DNM3: variants seen among roughly 807,000 people sequenced by gnomAD.
The protein encoded by DNM3 is dynamin 3, also known as dynamin-3.
Under a neutral mutation model 101.6 loss-of-function variants are expected in DNM3, and 47 were observed. The observed-to-expected ratio is 0.46, with a 90% CI of 0.37 to 0.59. The LOEUF (loss-of-function observed/expected upper bound fraction) is 0.59, where lower values mean the gene tolerates loss of function less well. Among genes scored for constraint, DNM3 ranks in the 20% least tolerant of loss-of-function variants. The pLI is 0.00. For missense variants in DNM3, 849 were observed against 1,085.7 expected, an observed-to-expected ratio of 0.78 and a Z score of 3.06; for synonymous variants, 385 against 387.9, an observed-to-expected ratio of 0.99 and a Z score of 0.09.
At chr1:172,232,818 T>A (rs2061389320) in intron 14 of DNM3, among the ~76,000 whole-genome samples, 1 of 152,176 alleles carries the variant, frequency 6.6e-6, no homozygotes, top group African/African-American at 2.4e-5. Context: ...AAGGCAGAAG[T>A]AAAGATGTTC....
intron 2 of DNM3, among the ~76,000 whole-genome samples, chr1:171,975,682 T>C (rs1294089212): frequency 6.6e-6 from 1 of 152,196 alleles, no homozygotes; most frequent in African/African-American, 2.4e-5. Flanking sequence ...ATGTTGCAGA[T>C]AAAGATTCAA....
chr1:172,303,766 A>G (rs892259994), intron 15 of DNM3, among the ~76,000 whole-genome samples: 1 of 152,188 alleles, frequency 6.6e-6, no homozygotes, highest in Non-Finnish European at 1.5e-5. Context: ...AGAATTTCAT[A>G]TCCAGCCAAA....
At chr1:172,013,532 C>T (rs775234960) in intron 4 of DNM3, among the ~76,000 whole-genome samples, 2 of 151,892 alleles carry the variant, frequency 1.3e-5, no homozygotes, top group African/African-American at 2.4e-5. Flanking sequence ...TAGGGAAAAT[C>T]GAAATATAAG....
intron 6 of DNM3, among the ~76,000 whole-genome samples, chr1:172,037,666 T>G (rs1456188893): frequency 1.3e-5 from 2 of 152,180 alleles, no homozygotes; most frequent in Non-Finnish European, 2.9e-5. Flanking sequence ...TTCATTGTAC[T>G]GAGCTTGAGG....
At chr1:171,984,044 CTT>C (rs1469998802) in intron 2 of DNM3, among the ~76,000 whole-genome samples, 1 of 152,156 alleles carries the variant, frequency 6.6e-6, no homozygotes, top group Non-Finnish European at 1.5e-5. Flanking sequence ...TGATGCTTCT[CTT>C]TCTCTCATAT....
chr1:172,412,584 A>C lies in DNM3; in HGVS notation c.*4743A>C. 1.0e-6 allele frequency: 1 copy of C among 985,810 alleles called. No homozygotes were observed. The highest frequency in any genetic ancestry group is 1.2e-6 in the Non-Finnish European group (1 of 829,926). The allele number at this position is 985,810 out of a possible 1,614,324, so 61.1% of individuals were successfully genotyped here. A position where few individuals can be genotyped will look rare whatever the true frequency, so the allele number is the denominator to read the frequency against. On this transcript the variant is annotated 3_prime_UTR_variant, in exon 21 of 21. Transcript: ENST00000627582. ...GCACTTTCAGGATTTCTTAATGCTG[A>C]TATATGGACTCTTAGAATGGAATTT...
intron 2 of DNM3, among the ~76,000 whole-genome samples, chr1:171,984,504 A>G (rs1571953375): frequency 3.3e-5 from 5 of 152,248 alleles, no homozygotes; most frequent in Admixed American, 3.3e-4. Flanking sequence ...TCCATACAGC[A>G]TGGCCTGCTG....
intron 2 of DNM3, among the ~76,000 whole-genome samples, chr1:171,961,810 A>G (rs2043228675): frequency 1.3e-5 from 2 of 152,208 alleles, no homozygotes; most frequent in Admixed American, 1.3e-4. Flanking sequence ...AACAGGATGA[A>G]CTTGAAAACA....
At chr1:172,133,238 A>G in intron 14 of DNM3, 2 of 1,105,802 alleles carry the variant, frequency 1.8e-6, no homozygotes, top group Non-Finnish European at 1.1e-6. Context: ...TAGGGAAGGA[A>G]GAAGCTTTGA....
At chr1:172,315,176 G>A (rs1022810119) in intron 16 of DNM3, among the ~76,000 whole-genome samples, 2 of 152,162 alleles carry the variant, frequency 1.3e-5, no homozygotes, top group Non-Finnish European at 2.9e-5. Flanking sequence ...CTGCAGCTGA[G>A]GGTCCTGTCT....
intron 1 of DNM3, among the ~76,000 whole-genome samples, chr1:171,893,621 T>C (rs2037495739): frequency 6.6e-6 from 1 of 152,018 alleles, no homozygotes; most frequent in Non-Finnish European, 1.5e-5. Context: ...ACCGAACTAA[T>C]TAAACAATTT....
intron 15 of DNM3, among the ~76,000 whole-genome samples, chr1:172,270,683 T>C (rs1266397930): frequency 1.3e-5 from 2 of 152,194 alleles, no homozygotes; most frequent in Non-Finnish European, 2.9e-5. Flanking sequence ...AAAATGTTAG[T>C]CACACTCTGC....
In DNM3 at chr1:171,963,836, GTAAACCAAAAA is replaced by G. The variant is rs572146552; in HGVS notation, c.236-23815_236-23805del. ...GATTGTTTTCAAAGCTGTTTACCAT[GTAAACCAAAAA>G]TAAAATTCCAAGCCCCCCATCCACC... On this transcript the variant is annotated intron_variant, in intron 2 of 20. Transcript: ENST00000627582. Among the ~76,000 whole-genome samples the G allele has an allele frequency of 3.1e-3, 476 of 151,520 alleles. 3 individuals carry two copies. The highest frequency in any genetic ancestry group is 0.011 in the African/African-American group (452 of 41,364).
intron 5 of DNM3, 106 bp from the exon 6 acceptor site, chr1:172,032,999 A>C: frequency 2.2e-6 from 3 of 1,363,150 alleles, no homozygotes; most frequent in Non-Finnish European, 3.0e-6. Context: ...TTCAGGCCTA[A>C]AACTAGTTTT....
chr1:172,167,933 A>T (rs1337630410), intron 14 of DNM3, among the ~76,000 whole-genome samples: 1 of 151,978 alleles, frequency 6.6e-6, no homozygotes, highest in Non-Finnish European at 1.5e-5. Context: ...ATTTTTTTTA[A>T]GTGCAATTTC....
At chr1:171,971,712 A>C (rs1028484831) in intron 2 of DNM3, among the ~76,000 whole-genome samples, 1 of 152,218 alleles carries the variant, frequency 6.6e-6, no homozygotes, top group African/African-American at 2.4e-5. Context: ...TGCTAAAAAA[A>C]CAAAAACAAA....
chr1:172,061,729 G>A (rs372568325), intron 10 of DNM3, among the ~76,000 whole-genome samples: 1 of 150,096 alleles, frequency 6.7e-6, no homozygotes, highest in African/African-American at 2.5e-5. Flanking sequence ...GGATAGCATT[G>A]GGAGATATAC....
At chr1:172,403,858 T>A (rs1466072772) in intron 20 of DNM3, among the ~76,000 whole-genome samples, 2 of 152,150 alleles carry the variant, frequency 1.3e-5, no homozygotes, top group Admixed American at 6.5e-5. Context: ...ACAATAACTT[T>A]GCTTTCCCCA....
Position 172,048,607 on chromosome 1 carries a change from T to C in DNM3, c.1197-5T>C, listed in dbSNP as rs1343972206. The stretch of plus-strand genomic sequence containing the variant: ...CTCATGGGCTGCTTGCTTTCTTACC[T>C]TCAGGACAGGGTTGTTTACTCCAGA... On this transcript the variant is annotated splice_polypyrimidine_tract_variant and splice_region_variant and intron_variant, in intron 9 of 20. Coordinates refer to ENST00000627582, the MANE Select transcript of DNM3 (RefSeq NM_015569.5). 1 of 1,608,230 alleles carries C rather than the reference T, an allele frequency of 6.2e-7. No homozygotes were observed. Among genetic ancestry groups the C allele is most frequent in the South Asian group, 1.1e-5 (1 of 89,470 alleles).
Sources: gnomAD v4.1 joint callset for allele counts (sites outside exome capture counted in the v4.1 genomes callset) on GRCh38, gnomAD v4.1.1 for gene constraint, MANE v1.5 for transcripts, NCBI Gene and HGNC (gene_info 2026-07-23, HGNC 2026-07-21) for gene names.